The following OTUD5 variants were observed in gnomAD, a reference collection of about 807,000 sequenced individuals.
OTUD5 encodes OTU deubiquitinase 5.
Under a neutral mutation model 36.3 loss-of-function variants are expected in OTUD5, and 2 were observed. The ratio of observed to expected loss-of-function variants is 0.06; its 90% CI spans 0.02 to 0.17. OTUD5 has a LOEUF of 0.17. OTUD5 is among the 10% of genes least tolerant of loss of function. The pLI, the probability that OTUD5 is intolerant of heterozygous loss-of-function variation, is 1.00. For missense variants in OTUD5, 233 were observed against 512.3 expected, an observed-to-expected ratio of 0.45 and a Z score of 5.26; for synonymous variants, 234 against 214.9, an observed-to-expected ratio of 1.09 and a Z score of -0.78.
upstream of OTUD5, chrX:48,958,303 A>G (rs1170755134): frequency 8.9e-6 from 1 of 112,931 alleles, no homozygotes; most frequent in East Asian, 2.8e-4. Flanking sequence ...CCTCCCCTCC[A>G]GGATTCCAAC....
intron 2 of OTUD5, among the ~76,000 whole-genome samples, chrX:48,939,647 C>T (rs1377910456): frequency 8.9e-6 from 1 of 112,150 alleles, no homozygotes; most frequent in Non-Finnish European, 1.9e-5. Flanking sequence ...CCACCAACCT[C>T]CTTCCTGGCC....
chrX:48,939,350 A>G (rs1467471416), intron 2 of OTUD5, among the ~76,000 whole-genome samples: 1 of 111,486 alleles, frequency 9.0e-6, no homozygotes, highest in Non-Finnish European at 1.9e-5. Flanking sequence ...CAGAGATTAT[A>G]GATATCAGGG....
rs1457017618 is a variant in OTUD5 at position 48,949,714 on chromosome X, A to G, written c.595-5431T>C. On this transcript the variant is annotated intron_variant, in intron 1 of 8. Coordinates refer to ENST00000376488, the MANE Select transcript of OTUD5 (RefSeq NM_001136157.2). Reference sequence around the variant, plus strand: ...AATAAACACCAAAAATTAACCGGGCATGGTGGCTCGCACCTGTGGTCCCAG... The same window carrying G: ...AATAAACACCAAAAATTAACCGGGCGTGGTGGCTCGCACCTGTGGTCCCAG... Among the ~76,000 whole-genome samples, 5 of 110,302 alleles carry G rather than the reference A, an allele frequency of 4.5e-5. No individual in the cohort carries two copies. The East Asian group carries it at 1.1e-3, about 25-fold the overall frequency.
Position 48,922,505 on chromosome X carries a change from G to A in OTUD5, c.*669C>T. 1 of 752,434 alleles carries A rather than the reference G, an allele frequency of 1.3e-6. No homozygotes were observed. The highest frequency in any genetic ancestry group is 1.6e-6 in the Non-Finnish European group (1 of 637,300). The allele number at this position is 752,434 out of a possible 1,213,427, so 62.0% of individuals were successfully genotyped here. ...CCCTAGACCCTGGGCCGGCCTCCAT[G>A]CAGCTGGAGGCCAGAAGACAGCAAC... On this transcript the variant is annotated 3_prime_UTR_variant, in exon 9 of 9. Coordinates refer to ENST00000376488, the MANE Select transcript of OTUD5 (RefSeq NM_001136157.2).
chrX:48,928,644 C>T (rs934009875), intron 5 of OTUD5, among the ~76,000 whole-genome samples: 15 of 110,298 alleles, frequency 1.4e-4, no homozygotes, highest in African/African-American at 4.6e-4. Flanking sequence ...CTGAGCAACA[C>T]AGTGAGATCC....
chrX:48,925,153 C>T (rs1267321913), intron 6 of OTUD5, among the ~76,000 whole-genome samples: 1 of 109,081 alleles, frequency 9.2e-6, no homozygotes, highest in Non-Finnish European at 1.9e-5. Context: ...TGGTGGGCGC[C>T]TGTAGTCCTA....
Position 48,926,067 on chromosome X carries a change from G to C in OTUD5, c.1060-17C>G. 1 of 1,168,033 alleles carries C rather than the reference G, an allele frequency of 8.6e-7. No homozygotes were observed. Among genetic ancestry groups the C allele is most frequent in the Non-Finnish European group, 1.2e-6 (1 of 857,891 alleles). On this transcript the variant is annotated splice_polypyrimidine_tract_variant and intron_variant, in intron 5 of 8. Coordinates refer to ENST00000376488, the MANE Select transcript of OTUD5 (RefSeq NM_001136157.2). ...CTCTGCAAACTGCAAGGAGGGAGAG[G>C]AACAGGGATGTGCAATAACACACTG... is the stretch of plus-strand genomic sequence containing the variant.
At chrX:48,954,413 T>C (rs1427909782) in intron 1 of OTUD5, among the ~76,000 whole-genome samples, 1 of 110,929 alleles carries the variant, frequency 9.0e-6, no homozygotes, top group Non-Finnish European at 1.9e-5. Flanking sequence ...GGAGGTGTTT[T>C]TGAATTATCA....
At chrX:48,926,119 C>T in intron 5 of OTUD5, 69 bp from the exon 6 acceptor site, 1 of 907,901 alleles carries the variant, frequency 1.1e-6, no homozygotes, top group East Asian at 3.1e-5. Flanking sequence ...AGAACAGGCT[C>T]AGCGAGGTAG....
At chrX:48,949,328 G>A (rs1464119401) in intron 1 of OTUD5, among the ~76,000 whole-genome samples, 8 of 111,693 alleles carry the variant, frequency 7.2e-5, no homozygotes, top group African/African-American at 2.3e-4. Context: ...CAGGCAGATC[G>A]CTTTGAGCTC....
At chrX:48,947,998 G>C (rs782812173) in intron 1 of OTUD5, among the ~76,000 whole-genome samples, 30 of 112,275 alleles carry the variant, frequency 2.7e-4, no homozygotes, top group African/African-American at 9.4e-4. Context: ...GGGTGACCTC[G>C]TTTAATTTTC....
intron 1 of OTUD5, among the ~76,000 whole-genome samples, chrX:48,955,380 C>CTTTA (rs1215927702): frequency 9.0e-6 from 1 of 111,360 alleles, no homozygotes; most frequent in Non-Finnish European, 1.9e-5. Context: ...CACAGGGATC[C>CTTTA]TTTATCCATG....
intron 1 of OTUD5, among the ~76,000 whole-genome samples, chrX:48,955,589 G>C (rs1175756277): frequency 9.0e-6 from 1 of 110,684 alleles, no homozygotes; most frequent in Non-Finnish European, 1.9e-5. Flanking sequence ...CTTAAAAGTA[G>C]GCAAAGATCT....
intron 4 of OTUD5, 43 bp from the exon 5 acceptor site, chrX:48,934,655 T>A (rs199995967): frequency 8.3e-7 from 1 of 1,206,091 alleles, no homozygotes; most frequent in African/African-American, 1.8e-5. Context: ...GCAGGCCAGG[T>A]TGGGCAGGCT....
chrX:48,939,732 T>G (rs1242376324), intron 2 of OTUD5, among the ~76,000 whole-genome samples: 4 of 112,208 alleles, frequency 3.6e-5, no homozygotes, highest in Non-Finnish European at 7.5e-5. Context: ...TCTCCTCTGT[T>G]GCCCGGGGGA....
In OTUD5 at chrX:48,922,813, C is replaced by A; in HGVS notation, c.*361G>T. ...AGGAATGAGGGGCAGGGAGACTTTC[C>A]TCTGTCTGAATGTCTCTCTCCTCTG... On this transcript the variant is annotated 3_prime_UTR_variant, in exon 9 of 9. Transcript: ENST00000376488. 1 of 790,504 alleles carries A rather than the reference C, an allele frequency of 1.3e-6. No homozygotes were observed. Among genetic ancestry groups the A allele is most frequent in the Non-Finnish European group, 1.5e-6 (1 of 662,807 alleles). The allele number at this position is 790,504 out of a possible 1,213,427, so 65.1% of individuals were successfully genotyped here. A position where few individuals can be genotyped will look rare whatever the true frequency, so the allele number is the denominator to read the frequency against.
chrX:48,943,951 T>G (rs1416524779), intron 2 of OTUD5, among the ~76,000 whole-genome samples: 1 of 112,088 alleles, frequency 8.9e-6, no homozygotes, highest in Non-Finnish European at 1.9e-5. Flanking sequence ...TGACAATGTG[T>G]CCCAAAGGAT....
chrX:48,950,539 T>C (rs1318792702), intron 1 of OTUD5, among the ~76,000 whole-genome samples: 12 of 85,701 alleles, frequency 1.4e-4, no homozygotes, highest in East Asian at 6.8e-4. Context: ...CTCTCTCTCT[T>C]TTTTTTTTTT....
chrX:48,952,264 C>T (rs1557054125), intron 1 of OTUD5, among the ~76,000 whole-genome samples: 2 of 111,744 alleles, frequency 1.8e-5, no homozygotes, highest in African/African-American at 6.5e-5. Flanking sequence ...ACAAATCAAT[C>T]AAGCCAGAAA....
Sources: allele counts gnomAD v4.1 joint callset (sites outside exome capture counted in the v4.1 genomes callset), GRCh38; gene constraint gnomAD v4.1.1; transcripts MANE v1.5; gene names NCBI Gene and HGNC (gene_info 2026-07-23, HGNC 2026-07-21).